The following CCDC171 variants were observed in gnomAD, a reference collection of about 807,000 sequenced individuals.
CCDC171 encodes coiled-coil domain-containing protein 171.
A neutral mutation model predicts 168.2 loss-of-function variants in CCDC171; 177 were observed. The observed-to-expected ratio is 1.05, with a 90% CI of 0.93 to 1.19. The LOEUF (loss-of-function observed/expected upper bound fraction) is 1.19. Among genes scored for constraint, CCDC171 ranks in the 50% most tolerant of loss-of-function variants. CCDC171 has a pLI of 0.00. For missense variants in CCDC171, 1,991 were observed against 1,539.0 expected (o/e 1.29, Z -4.91); for synonymous variants, 687 against 540.8 (o/e 1.27, Z -3.75).
intron 16 of CCDC171, among the ~76,000 whole-genome samples, chr9:15,740,549 G>A (rs991659390): frequency 4.6e-5 from 7 of 152,016 alleles, no homozygotes; most frequent in South Asian, 4.2e-4. Context: ...GTTCTCCTAC[G>A]TCAGCTTCCC....
At chr9:16,046,434 AT>A (rs1257738363) in intron 1 of CCDC171, among the ~76,000 whole-genome samples, 1 of 152,188 alleles carries the variant, frequency 6.6e-6, no homozygotes, top group Non-Finnish European at 1.5e-5. Context: ...CACTGATAGT[AT>A]TTTGGAAAAG....
chr9:16,097,978 G>T, the CCDC171 span, among the ~76,000 whole-genome samples: 1 of 152,174 alleles, frequency 6.6e-6, no homozygotes, highest in Middle Eastern at 3.2e-3. Flanking sequence ...ATGTTATATG[G>T]AACTAGCAGT....
At chr9:15,911,587 T>C (rs1280568782) in intron 24 of CCDC171, among the ~76,000 whole-genome samples, 2 of 152,206 alleles carry the variant, frequency 1.3e-5, no homozygotes, top group Non-Finnish European at 2.9e-5. Flanking sequence ...TTTGTTGCCG[T>C]TGCTTTTGGT....
chr9:15,651,490 C>G (rs558935462), intron 7 of CCDC171, among the ~76,000 whole-genome samples: 2 of 152,098 alleles, frequency 1.3e-5, no homozygotes, highest in South Asian at 2.1e-4. Context: ...CTCCTGACCT[C>G]AAGCAATCCT....
chr9:16,029,773 A>G (rs1362305552), intron 6 of CCDC171, among the ~76,000 whole-genome samples: 2 of 152,150 alleles, frequency 1.3e-5, no homozygotes, highest in Admixed American at 1.3e-4. Context: ...TAAAGATGAG[A>G]AAGACTCAGA....
intron 8 of CCDC171, among the ~76,000 whole-genome samples, 187 bp from the exon 9 acceptor site, chr9:15,665,976 C>T (rs2048705973): frequency 6.6e-6 from 1 of 152,076 alleles, no homozygotes; most frequent in Non-Finnish European, 1.5e-5. Context: ...ACTCTTTCTC[C>T]TTTCATTTAA....
At chr9:15,932,718 T>G (rs914651601) in intron 25 of CCDC171, among the ~76,000 whole-genome samples, 1 of 151,914 alleles carries the variant, frequency 6.6e-6, no homozygotes, top group Admixed American at 6.6e-5. Flanking sequence ...CTTCTCCCCA[T>G]GCAATATGAT....
chr9:15,654,981 A>G (rs1249366140), intron 7 of CCDC171, among the ~76,000 whole-genome samples: 1 of 152,188 alleles, frequency 6.6e-6, no homozygotes, highest in Non-Finnish European at 1.5e-5. Flanking sequence ...GAATTGAACA[A>G]TGAGAACACA....
intron 25 of CCDC171, among the ~76,000 whole-genome samples, chr9:15,958,696 G>A (rs771164533): frequency 1.3e-5 from 2 of 152,014 alleles, no homozygotes; most frequent in Non-Finnish European, 2.9e-5. Context: ...GTGGCTCCAA[G>A]ACAGGAGAAA....
intron 16 of CCDC171, among the ~76,000 whole-genome samples, chr9:15,742,833 C>G (rs375564282): frequency 6.6e-6 from 1 of 151,876 alleles, no homozygotes; most frequent in East Asian, 1.9e-4. Flanking sequence ...GAAACAGGGT[C>G]TTGCACTGTC....
intron 3 of CCDC171, 75 bp from the exon 4 acceptor site, chr9:15,578,774 C>T (rs1346973796): frequency 2.5e-6 from 3 of 1,211,138 alleles, no homozygotes. Flanking sequence ...ACAAGTTTCT[C>T]TAAGAAACTT....
intron 1 of CCDC171, among the ~76,000 whole-genome samples, chr9:16,044,867 C>G (rs909958402): frequency 6.6e-6 from 1 of 152,192 alleles, no homozygotes; most frequent in Non-Finnish European, 1.5e-5. Context: ...AAAGCCCTTT[C>G]TCCTTCTTGT....
rs541401001 is a variant in CCDC171, at chr9:15,927,034, A to G, written c.3753+6612A>G. On this transcript the variant is annotated intron_variant, in intron 25 of 25. Transcript: ENST00000380701. ...CCATTTCACCAGATACAAAATAAATATTCATTATTTATCAAAAACATATGT... is the reference window on the plus strand; with the variant it reads ...CCATTTCACCAGATACAAAATAAATGTTCATTATTTATCAAAAACATATGT... Among the ~76,000 whole-genome samples, 271 of 151,844 alleles carry G rather than the reference A, an allele frequency of 1.8e-3. 2 individuals carry two copies. Among genetic ancestry groups the G allele is most frequent in the African/African-American group, 6.2e-3 (259 of 41,488 alleles).
chr9:15,657,030 A>C, intron 7 of CCDC171, 97 bp from the exon 8 acceptor site: 1 of 534,816 alleles, frequency 1.9e-6, no homozygotes, highest in Non-Finnish European at 3.1e-6. Context: ...CTGCAAGTCC[A>C]CTAATCTAAA....
At chr9:16,046,619 T>C (rs746481891) in intron 1 of CCDC171, among the ~76,000 whole-genome samples, 3 of 152,140 alleles carry the variant, frequency 2.0e-5, no homozygotes, top group African/African-American at 4.8e-5. Flanking sequence ...TGGGAGATAA[T>C]TGAATCATGG....
the CCDC171 span, among the ~76,000 whole-genome samples, chr9:16,098,563 C>G: frequency 6.6e-6 from 1 of 152,190 alleles, no homozygotes; most frequent in Non-Finnish European, 1.5e-5. Flanking sequence ...ATGGGCTGAT[C>G]ATATGTCCGC....
intron 8 of CCDC171, among the ~76,000 whole-genome samples, chr9:15,659,820 T>C (rs1478923304): frequency 6.6e-6 from 1 of 152,182 alleles, no homozygotes; most frequent in East Asian, 1.9e-4. Context: ...AAAAAAGTTA[T>C]TGCCTTGATT....
chr9:15,742,456 C>T lies in CCDC171; in HGVS notation c.2050-1817C>T, dbSNP rs112127253. Among the ~76,000 whole-genome samples, 28 of 152,312 alleles carry T rather than the reference C, an allele frequency of 1.8e-4. 4 individuals carry two copies. The highest frequency in any genetic ancestry group is 6.7e-4 in the African/African-American group (28 of 41,564). On this transcript the variant is annotated intron_variant, in intron 16 of 25. Transcript: ENST00000380701. ...CTTCCTTTTCCTCATGCTAGTCTTC[C>T]TGCTTTAATATAGCTATAAGCCAAG...
At position 15,807,873 on chromosome 9, in the gene CCDC171, G is replaced by A. The variant is rs1182742740; in HGVS notation, c.3267+23179G>A. Among the ~76,000 whole-genome samples, 8 of 150,932 alleles carry A rather than the reference G, an allele frequency of 5.3e-5. No homozygotes were observed. In the South Asian group the frequency reaches 1.1e-3, roughly 20 times the overall value. ...TTGGAATCTTCCTTCTTGCTCCATGGTCCAAAATATGCCTCCAGGAAGAAA... is the reference window on the plus strand; with the variant it reads ...TTGGAATCTTCCTTCTTGCTCCATGATCCAAAATATGCCTCCAGGAAGAAA... On this transcript the variant is annotated intron_variant, in intron 21 of 25. Transcript: ENST00000380701.
Sources: gnomAD v4.1 joint callset for allele counts (sites outside exome capture counted in the v4.1 genomes callset) on GRCh38, gnomAD v4.1.1 for gene constraint, MANE v1.5 for transcripts, NCBI Gene and HGNC (gene_info 2026-07-23, HGNC 2026-07-21) for gene names.